MICU2: variants seen among roughly 807,000 people sequenced by gnomAD.
MICU2 encodes calcium uptake protein 2, mitochondrial.
A neutral mutation model predicts 60.4 loss-of-function variants in MICU2; 64 were observed. That is an observed-to-expected ratio of 1.06 (90% confidence interval 0.87 to 1.31). The LOEUF is 1.31. Among genes scored for constraint, MICU2 ranks in the 50% most tolerant of loss-of-function variants. MICU2 has a pLI of 0.00. For missense variants in MICU2, 569 were observed against 531.0 expected, an observed-to-expected ratio of 1.07 and a Z score of -0.70; for synonymous variants, 201 against 175.0, an observed-to-expected ratio of 1.15 and a Z score of -1.17.
At chr13:21,498,194 AT>A (rs1237352493) in intron 9 of MICU2, among the ~76,000 whole-genome samples, 3 of 152,088 alleles carry the variant, frequency 2.0e-5, no homozygotes, top group Non-Finnish European at 2.9e-5. Flanking sequence ...ACTTCATGAA[AT>A]TTTTATTTTT....
chr13:21,559,390 C>G (rs1482022988), intron 2 of MICU2, among the ~76,000 whole-genome samples: 1 of 152,150 alleles, frequency 6.6e-6, no homozygotes, highest in East Asian at 1.9e-4. Context: ...CACATATATC[C>G]CACTGCACAG....
chr13:21,556,386 C>T (rs527685841), intron 2 of MICU2, among the ~76,000 whole-genome samples: 1 of 152,264 alleles, frequency 6.6e-6, no homozygotes, highest in Non-Finnish European at 1.5e-5. Flanking sequence ...CTTATCTCTT[C>T]ACCTCCAAAT....
chr13:21,600,896 A>T (rs2138080908), intron 1 of MICU2, among the ~76,000 whole-genome samples: 1 of 152,076 alleles, frequency 6.6e-6, no homozygotes, highest in Admixed American at 6.5e-5. Context: ...TCCCAGATTC[A>T]CGCCATTCTC....
intron 2 of MICU2, among the ~76,000 whole-genome samples, chr13:21,546,613 G>A (rs1019828774): frequency 1.3e-5 from 2 of 152,200 alleles, no homozygotes; most frequent in Non-Finnish European, 2.9e-5. Context: ...CTATTGTGAT[G>A]AGAAGGCAGG....
At chr13:21,558,511 C>A (rs1041733886) in intron 2 of MICU2, among the ~76,000 whole-genome samples, 1 of 152,296 alleles carries the variant, frequency 6.6e-6, no homozygotes, top group African/African-American at 2.4e-5. Context: ...ACAACCTCCA[C>A]GTGTTTTTGA....
intron 1 of MICU2, among the ~76,000 whole-genome samples, chr13:21,600,403 A>T (rs965578260): frequency 2.6e-5 from 4 of 152,184 alleles, no homozygotes; most frequent in African/African-American, 7.2e-5. Context: ...CAGGAAACCA[A>T]GACTTTGTGA....
At chr13:21,599,532 A>C (rs1385844690) in intron 1 of MICU2, among the ~76,000 whole-genome samples, 1 of 152,260 alleles carries the variant, frequency 6.6e-6, no homozygotes, top group Admixed American at 6.5e-5. Context: ...AACATGATCT[A>C]AAACAAGTTC....
At chr13:21,502,759 G>GGAA in intron 9 of MICU2, 167 bp downstream of exon 9, 1 of 346,290 alleles carries the variant, frequency 2.9e-6, no homozygotes, top group South Asian at 3.5e-5. Context: ...TTCTGTCTTA[G>GGAA]GCAGTTTTCC....
intron 9 of MICU2, among the ~76,000 whole-genome samples, chr13:21,500,710 C>T (rs1337398115): frequency 1.3e-5 from 2 of 151,966 alleles, no homozygotes; most frequent in South Asian, 2.1e-4. Context: ...TGAGCCACCA[C>T]GCCCGGCCAA....
intron 11 of MICU2, 98 bp downstream of exon 11, chr13:21,495,063 T>C (rs952628548): frequency 6.3e-6 from 5 of 792,288 alleles, no homozygotes; most frequent in Non-Finnish European, 9.2e-6. Context: ...TTATAAGTGA[T>C]GAAAACTCCA....
At chr13:21,568,076 T>C (rs912300517) in intron 1 of MICU2, among the ~76,000 whole-genome samples, 2 of 152,214 alleles carry the variant, frequency 1.3e-5, no homozygotes, top group African/African-American at 2.4e-5. Flanking sequence ...TGGACCACAG[T>C]ATCCTTCCTG....
At chr13:21,499,886 A>G (rs1471840000) in intron 9 of MICU2, among the ~76,000 whole-genome samples, 1 of 152,154 alleles carries the variant, frequency 6.6e-6, no homozygotes, top group Non-Finnish European at 1.5e-5. Context: ...ATTGCGAGGC[A>G]TGGTGGTATG....
chr13:21,508,188 C>T (rs1369450097), intron 8 of MICU2, among the ~76,000 whole-genome samples: 1 of 151,130 alleles, frequency 6.6e-6, no homozygotes, highest in Non-Finnish European at 1.5e-5. Context: ...TGCAGTGGCA[C>T]GATCCTGGCT....
At chr13:21,552,397 G>A (rs928967130) in intron 2 of MICU2, among the ~76,000 whole-genome samples, 4 of 152,058 alleles carry the variant, frequency 2.6e-5, no homozygotes, top group Non-Finnish European at 5.9e-5. Flanking sequence ...CACTCTGATG[G>A]TAGTTTCTTT....
Position 21,604,058 on chromosome 13 carries a change from T to C in MICU2, c.91A>G (p.Ser31Gly), listed in dbSNP as rs375636972. The C allele has an allele frequency of 7.7e-5, 123 of 1,603,724 alleles. No individual in the cohort carries two copies. Among genetic ancestry groups the C allele is most frequent in the Non-Finnish European group, 1.0e-4 (118 of 1,176,348 alleles). The change falls in exon 1 of 12, where the codon AGT (serine) becomes GGT (glycine). Residue 31 changes from serine to glycine, a missense_variant. Physicochemically the swap from Ser to Gly is moderately conservative, Grantham distance 56. Coordinates refer to ENST00000382374, the MANE Select transcript of MICU2 (RefSeq NM_152726.3). Reference protein sequence around the residue: ...GLAVSRQAVRSPGPLAAAVAG... With the variant: ...GLAVSRQAVRGPGPLAAAVAG... ...ACTGCCGCTGCCAAGGGGCCGGGAC[T>C]CCGCACAGCCTGTCGGCTGACAGCG... is the stretch of plus-strand genomic sequence containing the variant.
At chr13:21,560,172 T>C (rs971686725) in intron 2 of MICU2, among the ~76,000 whole-genome samples, 1 of 152,228 alleles carries the variant, frequency 6.6e-6, no homozygotes, top group African/African-American at 2.4e-5. Flanking sequence ...ATAGAAGTTC[T>C]AATTTTAATA....
At chr13:21,600,221 T>C (rs893786596) in intron 1 of MICU2, among the ~76,000 whole-genome samples, 3 of 152,194 alleles carry the variant, frequency 2.0e-5, no homozygotes, top group African/African-American at 7.2e-5. Context: ...TTCCCAGCCA[T>C]TGCTCACACC....
rs77458922 is a variant in MICU2 at position 21,500,225 on chromosome 13, A to G, written c.933+2701T>C. On this transcript the variant is annotated intron_variant, in intron 9 of 11. Coordinates refer to ENST00000382374, the MANE Select transcript of MICU2 (RefSeq NM_152726.3). ...CTCATGTTGTTGCTACATTACGATA[A>G]TAAAATTCTTTGTGTCTGACTCAAT... Among the ~76,000 whole-genome samples the G allele has an allele frequency of 5.2e-3, 786 of 152,296 alleles. 13 individuals are homozygous for G. The highest frequency in any genetic ancestry group is 0.018 in the African/African-American group (740 of 41,550).
At chr13:21,552,943 G>T (rs1384490540) in intron 2 of MICU2, among the ~76,000 whole-genome samples, 1 of 152,190 alleles carries the variant, frequency 6.6e-6, no homozygotes, top group East Asian at 1.9e-4. Flanking sequence ...GAACTTTAAA[G>T]TAGTTTTTTC....
Sources: allele counts gnomAD v4.1 joint callset (sites outside exome capture counted in the v4.1 genomes callset), GRCh38; gene constraint gnomAD v4.1.1; transcripts MANE v1.5; gene names NCBI Gene and HGNC (gene_info 2026-07-23, HGNC 2026-07-21).